Variants in PABIR2 observed in about 807,000 individuals in gnomAD.
The protein encoded by PABIR2 is family with sequence similarity 122B.
A neutral mutation model predicts 22.8 loss-of-function variants in PABIR2; 7 were observed. The ratio of observed to expected loss-of-function variants is 0.31; its 90% CI spans 0.17 to 0.58. The LOEUF (loss-of-function observed/expected upper bound fraction) is 0.58, where lower values mean the gene tolerates loss of function less well. Among genes scored for constraint, PABIR2 ranks in the 20% least tolerant of loss-of-function variants. PABIR2 has a pLI of 0.89. For synonymous variants in PABIR2, 67 were observed against 73.8 expected, an observed-to-expected ratio of 0.91 and a Z score of 0.47; for missense variants, 155 against 205.1, an observed-to-expected ratio of 0.76 and a Z score of 1.49.
intron 9 of PABIR2, among the ~76,000 whole-genome samples, chrX:134,779,308 A>C (rs2147910182): frequency 9.0e-6 from 1 of 111,653 alleles, no homozygotes; most frequent in Non-Finnish European, 1.9e-5. Flanking sequence ...ACGTGCTTGT[A>C]ATCCAAGCTA....
chrX:134,782,927 T>C (rs1167488983), intron 8 of PABIR2, among the ~76,000 whole-genome samples: 1 of 112,262 alleles, frequency 8.9e-6, no homozygotes, highest in African/African-American at 3.2e-5. Context: ...CTTTTAAAAG[T>C]TGCTGCTGGG....
intron 8 of PABIR2, among the ~76,000 whole-genome samples, chrX:134,782,689 G>A (rs2079188273): frequency 1.8e-5 from 2 of 111,740 alleles, no homozygotes; most frequent in South Asian, 3.7e-4. Context: ...GCTTGAAAAC[G>A]GAATGTTCAA....
At chrX:134,789,027 G>C in intron 5 of PABIR2, 58 bp downstream of exon 5, 1 of 1,190,745 alleles carries the variant, frequency 8.4e-7, no homozygotes, top group East Asian at 3.0e-5. Flanking sequence ...AATGAACCTA[G>C]TGAACAACAT....
At chrX:134,792,502 T>C (rs2079575315) in intron 2 of PABIR2, among the ~76,000 whole-genome samples, 2 of 112,148 alleles carry the variant, frequency 1.8e-5, no homozygotes, top group African/African-American at 3.2e-5. Context: ...GGAGGTGAAA[T>C]GAATGAAACC....
intron 6 of PABIR2, among the ~76,000 whole-genome samples, chrX:134,788,408 T>C (rs2147962666): frequency 1.0e-5 from 1 of 95,311 alleles, no homozygotes; most frequent in African/African-American, 3.9e-5. Flanking sequence ...GTGTAATATA[T>C]ACACGTTATA....
intron 2 of PABIR2, among the ~76,000 whole-genome samples, chrX:134,793,413 T>A (rs763559601): frequency 7.2e-5 from 8 of 111,499 alleles, no homozygotes; most frequent in Non-Finnish European, 1.5e-4. Context: ...TTTAAAGGAG[T>A]CTTCATTTTG....
chrX:134,789,168 G>T, intron 4 of PABIR2, 29 bp from the exon 5 acceptor site: 1 of 1,212,116 alleles, frequency 8.3e-7, no homozygotes, highest in Non-Finnish European at 1.1e-6. Flanking sequence ...AGGGCCGTCA[G>T]TGTTTACAAA....
chrX:134,792,920 G>A (rs979748998), intron 2 of PABIR2, among the ~76,000 whole-genome samples: 40 of 112,298 alleles, frequency 3.6e-4, no homozygotes, highest in African/African-American at 1.2e-3. Context: ...CACGCTTGGG[G>A]TGTACTAACA....
At chrX:134,779,499 C>T (rs1052906232) in intron 9 of PABIR2, among the ~76,000 whole-genome samples, 1 of 111,709 alleles carries the variant, frequency 9.0e-6, no homozygotes, top group African/African-American at 3.3e-5. Flanking sequence ...TAGACATTCA[C>T]GGGTCTACAG....
At chrX:134,777,058 G>A (rs1185001426) in intron 9 of PABIR2, among the ~76,000 whole-genome samples, 2 of 112,099 alleles carry the variant, frequency 1.8e-5, no homozygotes, top group Admixed American at 9.5e-5. Flanking sequence ...ACAGCAGGTA[G>A]GTAAATAAAC....
intron 1 of PABIR2, among the ~76,000 whole-genome samples, chrX:134,795,080 G>C (rs902549819): frequency 6.2e-5 from 7 of 112,032 alleles, no homozygotes; most frequent in Admixed American, 9.5e-5. Context: ...TATTGTTATA[G>C]TAACCAAAAT....
At chrX:134,793,627 A>C in intron 2 of PABIR2, 188 bp downstream of exon 2, 1 of 557,420 alleles carries the variant, frequency 1.8e-6, no homozygotes, top group Non-Finnish European at 3.1e-6. Context: ...AGCAAAGAAA[A>C]ATTTTTAACC....
intron 1 of PABIR2, among the ~76,000 whole-genome samples, chrX:134,794,650 T>C (rs1168336655): frequency 8.9e-6 from 1 of 111,889 alleles, no homozygotes; most frequent in Admixed American, 9.5e-5. Flanking sequence ...CTTAAACCCA[T>C]TGGTAGAGAG....
intron 9 of PABIR2, among the ~76,000 whole-genome samples, chrX:134,781,427 A>C (rs1377890198): frequency 8.9e-6 from 1 of 112,225 alleles, no homozygotes; most frequent in African/African-American, 3.2e-5. Flanking sequence ...AAAAATTTTA[A>C]AACTTAAAAG....
At chrX:134,780,566 G>A (rs1041272025) in intron 9 of PABIR2, among the ~76,000 whole-genome samples, 4 of 111,809 alleles carry the variant, frequency 3.6e-5, no homozygotes, top group Non-Finnish European at 7.5e-5. Flanking sequence ...GCAACAGAGC[G>A]AGCCTATCTC....
intron 9 of PABIR2, among the ~76,000 whole-genome samples, chrX:134,772,638 A>G (rs1401999830): frequency 2.7e-5 from 3 of 111,236 alleles, no homozygotes; most frequent in South Asian, 7.8e-4. Flanking sequence ...GCTTGGAGCA[A>G]GAGGAATGGT....
At chrX:134,772,341 T>C in intron 9 of PABIR2, 58 bp from the exon 10 acceptor site, 1 of 1,065,457 alleles carries the variant, frequency 9.4e-7, no homozygotes, top group Non-Finnish European at 1.3e-6. Flanking sequence ...AAACATAACA[T>C]GCAATGACAC....
rs367659615 is a variant in PABIR2 at position 134,784,613 on chromosome X, GACA to G, written c.562+1270_562+1272del. On this transcript the variant is annotated intron_variant, in intron 8 of 9. Coordinates refer to ENST00000343004, the MANE Select transcript of PABIR2 (RefSeq NM_001387468.1). ...CAGCCTCACCCTCCCAAGTAGCTGT[GACA>G]ACAGCACAAGCCACCAACGCCTGCT... is the stretch of plus-strand genomic sequence containing the variant. Among the ~76,000 whole-genome samples, 679 of 109,504 alleles carry G rather than the reference GACA, an allele frequency of 6.2e-3. 5 individuals carry two copies. Among genetic ancestry groups the G allele is most frequent in the African/African-American group, 0.02 (611 of 30,083 alleles).
chrX:134,772,281 G>T lies in PABIR2; in HGVS notation c.662C>A (p.Ser221Ter). The change falls in exon 10 of 10, where the codon TCA (serine) becomes TAA (stop). Residue 221 changes from serine (S) to a stop codon, truncating the protein, a stop_gained and splice_region_variant. Coordinates refer to ENST00000343004, the MANE Select transcript of PABIR2 (RefSeq NM_001387468.1). LOFTEE classifies it high-confidence loss of function. The stretch of plus-strand genomic sequence containing the variant: ...GCTACTACTGCCATCCAAAATATCT[G>T]AACTGAAGACAAAGCAAAAAGAATT... ...AAQLSDLSSC[S>*]DILDGSSSSS... is the part of the protein sequence containing the mutation. 1 of 1,177,965 alleles carries T rather than the reference G, an allele frequency of 8.5e-7. No homozygotes were observed. The highest frequency in any genetic ancestry group is 1.1e-6 in the Non-Finnish European group (1 of 876,137).
Sources: allele counts gnomAD v4.1 joint callset (sites outside exome capture counted in the v4.1 genomes callset), GRCh38; gene constraint gnomAD v4.1.1; transcripts MANE v1.5; gene names NCBI Gene and HGNC (gene_info 2026-07-23, HGNC 2026-07-21).